SLC5A1: variants seen among roughly 807,000 people sequenced by gnomAD.
The protein encoded by SLC5A1 is sodium/glucose cotransporter 1.
Under a neutral mutation model 73.5 loss-of-function variants are expected in SLC5A1, and 42 were observed. That is an observed-to-expected ratio of 0.57 (90% CI 0.45 to 0.74). The LOEUF (loss-of-function observed/expected upper bound fraction) is 0.74, where lower values mean the gene tolerates loss of function less well. Among genes scored for constraint, SLC5A1 ranks in the 30% least tolerant of loss-of-function variants. The pLI is 0.00. For missense variants in SLC5A1, 634 were observed against 855.4 expected (o/e 0.74, Z 3.23); for synonymous variants, 300 against 317.4 (o/e 0.95, Z 0.58).
intron 2 of SLC5A1, among the ~76,000 whole-genome samples, chr22:32,050,499 G>T: frequency 6.6e-6 from 1 of 152,166 alleles, no homozygotes; most frequent in East Asian, 1.9e-4. Flanking sequence ...GGTTTGGGTT[G>T]TCACCCACAA....
chr22:32,060,014 TACACACAC>T (rs58053068), intron 2 of SLC5A1, among the ~76,000 whole-genome samples: 6,178 of 137,650 alleles, frequency 0.045, 189 homozygotes, highest in Non-Finnish European at 0.069. Flanking sequence ...GCCATGGTTA[TACACACAC>T]ACACACACAC....
chr22:32,065,466 C>T (rs2093971203), intron 2 of SLC5A1, among the ~76,000 whole-genome samples: 1 of 152,100 alleles, frequency 6.6e-6, no homozygotes, highest in Non-Finnish European at 1.5e-5. Context: ...TCCATAGAGT[C>T]ACCTTCTCAG....
chr22:32,064,372 T>G (rs2093968893), intron 2 of SLC5A1, among the ~76,000 whole-genome samples: 1 of 151,962 alleles, frequency 6.6e-6, no homozygotes, highest in Non-Finnish European at 1.5e-5. Flanking sequence ...GGTGCGCGCC[T>G]GTAGTCCCAG....
At position 32,043,317 on chromosome 22, in the gene SLC5A1, G is replaced by T; in HGVS notation, c.36G>T (p.Ala12=). The change falls in exon 1 of 15, where the codon GCG becomes GCT. Residue 12 remains alanine (A), a synonymous_variant. Transcript: ENST00000266088. This position sits in a 1 kb window ranked among gnomAD's most constrained non-coding sequence, Gnocchi z 6.5. ...GCACCTGGAGCCCCAAGACCACCGC[G>T]GTCACCCGGCCTGTTGAGACCCACG... ...DSSTWSPKTT[A]VTRPVETHEL... is the part of the protein sequence containing the mutation. The T allele has an allele frequency of 6.2e-7, 1 of 1,614,198 alleles. No individual in the cohort carries two copies. Among genetic ancestry groups the T allele is most frequent in the Non-Finnish European group, 8.5e-7 (1 of 1,180,038 alleles).
chr22:32,110,598 GCCA>G lies in SLC5A1; in HGVS notation c.*387_*389del, dbSNP rs2094054930. ...AGAAACTTTGGTCTCCCTGGTTCCTGCCACTTTTCCTGTCCGTCCTCCTCCCCA... is the reference window on the plus strand; with the variant it reads ...AGAAACTTTGGTCTCCCTGGTTCCTGCTTTTCCTGTCCGTCCTCCTCCCCA... On this transcript the variant is annotated 3_prime_UTR_variant, in exon 15 of 15. Coordinates refer to ENST00000266088, the MANE Select transcript of SLC5A1 (RefSeq NM_000343.4). 1 of 291,224 alleles carries G rather than the reference GCCA, an allele frequency of 3.4e-6. No individual in the cohort carries two copies. The allele number at this position is 291,224 out of a possible 1,614,324, so 18.0% of individuals were successfully genotyped here.
At chr22:32,044,556 T>G (rs1451032334) in intron 1 of SLC5A1, among the ~76,000 whole-genome samples, 7 of 151,760 alleles carry the variant, frequency 4.6e-5, no homozygotes, top group Admixed American at 4.6e-4. Context: ...AAACTAGATG[T>G]GGCAGAATGC....
chr22:32,059,203 C>G (rs765232121), intron 2 of SLC5A1: 11 of 985,100 alleles, frequency 1.1e-5, no homozygotes, highest in Non-Finnish European at 1.2e-5. Context: ...TGCACTCCTG[C>G]CTGGGCGACA....
intron 5 of SLC5A1, among the ~76,000 whole-genome samples, chr22:32,079,443 A>C (rs944551108): frequency 6.6e-6 from 1 of 152,244 alleles, no homozygotes; most frequent in Non-Finnish European, 1.5e-5. Context: ...TTATTAGCCC[A>C]ACACTTTTCA....
At chr22:32,073,970 C>T (rs181125801) in intron 5 of SLC5A1, among the ~76,000 whole-genome samples, 3 of 152,198 alleles carry the variant, frequency 2.0e-5, no homozygotes, top group Non-Finnish European at 4.4e-5. Flanking sequence ...CTAGAGAAAT[C>T]GGGCTTTGGC....
chr22:32,068,669 C>A, intron 5 of SLC5A1, 69 bp downstream of exon 5: 1 of 1,079,614 alleles, frequency 9.3e-7, no homozygotes, highest in Non-Finnish European at 1.4e-6. Context: ...TCACATGCTG[C>A]CCACCAAGAG....
At position 32,110,636 on chromosome 22, in the gene SLC5A1, TA is replaced by T; in HGVS notation, c.*427del. The T allele has an allele frequency of 1.4e-5, 4 of 284,840 alleles. No homozygotes were observed. Among genetic ancestry groups the T allele is most frequent in the South Asian group, 1.1e-4 (3 of 26,982 alleles). The allele number at this position is 284,840 out of a possible 1,614,324, so 17.6% of individuals were successfully genotyped here. A position where few individuals can be genotyped will look rare whatever the true frequency, so the allele number is the denominator to read the frequency against. The stretch of plus-strand genomic sequence containing the variant: ...TCCGTCCTCCTCCCCATTTTTTTTT[TA>T]AAAGAAAGCTGTTTTCCCCTCATCA... On this transcript the variant is annotated 3_prime_UTR_variant, in exon 15 of 15. Transcript: ENST00000266088.
rs777391124 is a variant in SLC5A1 at position 32,067,998 on chromosome 22, T to G, written c.344T>G (p.Leu115Arg). 37 of 1,614,090 alleles carry G rather than the reference T, an allele frequency of 2.3e-5. No individual in the cohort carries two copies. Among genetic ancestry groups the G allele is most frequent in the South Asian group, 2.2e-4 (20 of 91,086 alleles). The change falls in exon 4 of 15, where the codon CTG (leucine) becomes CGG (arginine). Residue 115 changes from leucine to arginine, a missense_variant. By Grantham distance (102) the Leu-to-Arg change is moderately radical (BLOSUM62 -2). Transcript: ENST00000266088. Reference protein sequence around the residue: ...ALVLVVVLGWLFVPIYIKAGV... With the variant: ...ALVLVVVLGWRFVPIYIKAGV... ...GTTTTGGTGGTTGTGCTGGGCTGGC[T>G]GTTTGTCCCCATCTATATTAAGGCT... is the stretch of plus-strand genomic sequence containing the variant.
At chr22:32,099,439 A>G (rs778081910) in intron 12 of SLC5A1, 88 bp downstream of exon 12, 7 of 1,256,562 alleles carry the variant, frequency 5.6e-6, no homozygotes, top group African/African-American at 1.5e-5. Context: ...GAGGGATTCT[A>G]TTTCCCAGAG....
rs765774393 is a variant in SLC5A1, at chr22:32,110,214, G to A, written c.*1G>A. 1.2e-6 allele frequency: 2 copies of A among 1,605,668 alleles called. No individual in the cohort carries two copies. ...CTTTTGCCATGCATATTTTGCCTGAGTCCTACCTTTTGCTGTAGATTTACC... is the reference window on the plus strand; with the variant it reads ...CTTTTGCCATGCATATTTTGCCTGAATCCTACCTTTTGCTGTAGATTTACC... On this transcript the variant is annotated 3_prime_UTR_variant, in exon 15 of 15. Coordinates refer to ENST00000266088, the MANE Select transcript of SLC5A1 (RefSeq NM_000343.4).
rs147775367 is a variant in SLC5A1 at position 32,103,565 on chromosome 22, G to A, written c.1666-1221G>A. ...AGCTCAGGTGCGTAAGATCACATGG[G>A]TGGTACAGGGCTACCTGGCTTAGAA... On this transcript the variant is annotated intron_variant, in intron 13 of 14. Transcript: ENST00000266088. 2.0e-3 allele frequency among the ~76,000 whole-genome samples: 311 copies of A among 152,336 alleles called. 5 individuals are homozygous for A. The highest frequency in any genetic ancestry group is 2.5e-3 in the East Asian group (13 of 5,172).
intron 5 of SLC5A1, among the ~76,000 whole-genome samples, chr22:32,081,045 C>T (rs1341031688): frequency 6.6e-6 from 1 of 152,042 alleles, no homozygotes; most frequent in East Asian, 1.9e-4. Flanking sequence ...ATACTACCCT[C>T]CCTGGTATTG....
In SLC5A1 at chr22:32,043,447, GA is replaced by G. The variant is rs1322294264; in HGVS notation, c.135+32del. 4.3e-6 allele frequency: 7 copies of G among 1,612,066 alleles called. No individual in the cohort carries two copies. The East Asian group carries it at 8.9e-5, about 21-fold the overall frequency. ...CAGCGGGTTCTGGGATGCGGGTGGG[GA>G]GGGTGCGCACAGAGGAGGAGCAATG... On this transcript the variant is annotated intron_variant, in intron 1 of 14. Transcript: ENST00000266088. The surrounding 1 kb of genome is among the most constrained non-coding windows in gnomAD (Gnocchi z 6.5).
At chr22:32,050,814 C>G (rs1311950833) in intron 2 of SLC5A1, among the ~76,000 whole-genome samples, 1 of 152,186 alleles carries the variant, frequency 6.6e-6, no homozygotes, top group African/African-American at 2.4e-5. Context: ...GCTGGGAGGT[C>G]CCCGGAAGCC....
chr22:32,102,166 A>T lies in SLC5A1; in HGVS notation c.1594A>T (p.Ile532Phe). Reference protein sequence around the residue: ...CGVHYLYFAIILFAISFITIV... With the variant: ...CGVHYLYFAIFLFAISFITIV... ...GGTGCACTACTTGTACTTTGCCATTATCCTCTTCGCCATTTCTTTCATCAC... is the reference window on the plus strand; with the variant it reads ...GGTGCACTACTTGTACTTTGCCATTTTCCTCTTCGCCATTTCTTTCATCAC... The change falls in exon 13 of 15, where the codon ATC becomes TTC. Residue 532 changes from isoleucine to phenylalanine, a missense_variant. Transcript: ENST00000266088. The T allele has an allele frequency of 6.2e-7, 1 of 1,613,958 alleles. No homozygotes were observed. Among genetic ancestry groups the T allele is most frequent in the Non-Finnish European group, 8.5e-7 (1 of 1,179,970 alleles).
Sources: allele counts gnomAD v4.1 joint callset (sites outside exome capture counted in the v4.1 genomes callset), GRCh38; gene constraint gnomAD v4.1.1; non-coding constraint Gnocchi (gnomAD v3.1); transcripts MANE v1.5; gene names NCBI Gene and HGNC (gene_info 2026-07-23, HGNC 2026-07-21).